Variants in PEX14 observed in about 807,000 individuals in gnomAD.
PEX14 encodes peroxisomal membrane protein PEX14.
PEX14 carries 15 observed loss-of-function variants against 49.5 expected under a neutral mutation model. The observed-to-expected ratio is 0.30, with a 90% CI of 0.20 to 0.47. The LOEUF is 0.47. Among genes scored for constraint, PEX14 ranks in the 20% least tolerant of loss-of-function variants. PEX14 has a pLI of 1.00. For synonymous variants in PEX14, 210 were observed against 212.7 expected, an observed-to-expected ratio of 0.99 and a Z score of 0.11; for missense variants, 398 against 494.8, an observed-to-expected ratio of 0.80 and a Z score of 1.86.
chr1:10,549,621 G>A (rs1639280802), intron 3 of PEX14, among the ~76,000 whole-genome samples: 1 of 152,130 alleles, frequency 6.6e-6, no homozygotes, highest in Non-Finnish European at 1.5e-5. Flanking sequence ...TAAAGGTTAA[G>A]TATCTCCGAT....
intron 4 of PEX14, among the ~76,000 whole-genome samples, chr1:10,617,613 C>T (rs1641463542): frequency 1.3e-5 from 2 of 152,160 alleles, no homozygotes; most frequent in Non-Finnish European, 2.9e-5. Context: ...GGTCTACACC[C>T]ACCTACCGTC....
intron 2 of PEX14, among the ~76,000 whole-genome samples, chr1:10,527,856 A>G (rs568149347): frequency 2.6e-5 from 4 of 151,938 alleles, no homozygotes; most frequent in Admixed American, 1.3e-4. Context: ...TTTTTAGTGG[A>G]GATGGGGTTT....
Position 10,560,059 on chromosome 1 carries a change from A to AT in PEX14, c.169+23777dup, listed in dbSNP as rs1475577830. ...CTAATCTGATTTTTTTCTTCCATCT[A>AT]TTTTTTTTTTTTTTTGAGACGGAGT... On this transcript the variant is annotated intron_variant, in intron 3 of 8. Transcript: ENST00000356607. Among the ~76,000 whole-genome samples, 124 of 145,266 alleles carry AT rather than the reference A, an allele frequency of 8.5e-4. 3 individuals carry two copies. Among genetic ancestry groups the AT allele is most frequent in the South Asian group, 7.8e-3 (35 of 4,492 alleles).
At position 10,519,035 on chromosome 1, in the gene PEX14, C is replaced by T. The variant is rs551988340; in HGVS notation, c.85-17178C>T. 2.3e-4 allele frequency among the ~76,000 whole-genome samples: 35 copies of T among 152,272 alleles called. 1 individual carries two copies. Among genetic ancestry groups the T allele is most frequent in the African/African-American group, 7.7e-4 (32 of 41,528 alleles). On this transcript the variant is annotated intron_variant, in intron 2 of 8. Transcript: ENST00000356607. The stretch of plus-strand genomic sequence containing the variant: ...GTCAAAAGGAGTCGAGCCAAACTCT[C>T]ATCCTCTCTTCTTCACCCTGTATAC...
At chr1:10,556,616 G>T (rs1639497411) in intron 3 of PEX14, among the ~76,000 whole-genome samples, 1 of 152,196 alleles carries the variant, frequency 6.6e-6, no homozygotes. Flanking sequence ...GATGTGGAGG[G>T]TTAGGGGGCA....
chr1:10,577,685 G>A (rs1287257967), intron 3 of PEX14, among the ~76,000 whole-genome samples: 1 of 136,354 alleles, frequency 7.3e-6, no homozygotes, highest in Non-Finnish European at 1.5e-5. Flanking sequence ...TCCGCCTCCT[G>A]AGTTGGGAGG....
chr1:10,626,509 C>T (rs1223779103), intron 7 of PEX14, among the ~76,000 whole-genome samples: 1 of 152,230 alleles, frequency 6.6e-6, no homozygotes, highest in East Asian at 1.9e-4. Flanking sequence ...CCACAGCAGC[C>T]CCCGACCCCA....
At chr1:10,568,182 C>T (rs1229430857) in intron 3 of PEX14, among the ~76,000 whole-genome samples, 2 of 152,076 alleles carry the variant, frequency 1.3e-5, no homozygotes, top group African/African-American at 4.8e-5. Context: ...CAGCAAATAC[C>T]TCCAGAACAG....
chr1:10,502,602 G>T (rs1270255366), intron 2 of PEX14, among the ~76,000 whole-genome samples: 2 of 152,042 alleles, frequency 1.3e-5, no homozygotes, highest in Non-Finnish European at 2.9e-5. Context: ...AAGTTATTCA[G>T]CTTTGTTTGT....
intron 2 of PEX14, among the ~76,000 whole-genome samples, chr1:10,522,776 T>TA (rs1414838977): frequency 1.3e-5 from 2 of 152,222 alleles, no homozygotes; most frequent in Non-Finnish European, 2.9e-5. Flanking sequence ...TCTGGATAGT[T>TA]ACGTTTTCTG....
chr1:10,525,916 G>A (rs553638354), intron 2 of PEX14, among the ~76,000 whole-genome samples: 5 of 150,572 alleles, frequency 3.3e-5, no homozygotes, highest in Admixed American at 6.6e-5. Flanking sequence ...GAGCCACTGC[G>A]CCTGGCTGAT....
intron 6 of PEX14, 40 bp from the exon 7 acceptor site, chr1:10,624,300 C>T: frequency 2.3e-6 from 3 of 1,304,440 alleles, no homozygotes; most frequent in Non-Finnish European, 3.3e-6. Flanking sequence ...ACGTCTGTGC[C>T]TGTGAATTTG....
chr1:10,548,081 G>A (rs1359346481), intron 3 of PEX14, among the ~76,000 whole-genome samples: 2 of 152,188 alleles, frequency 1.3e-5, no homozygotes, highest in Non-Finnish European at 2.9e-5. Flanking sequence ...GCCAGGCGTG[G>A]TGGCGCATGC....
chr1:10,526,102 TA>T (rs1638470196), intron 2 of PEX14, among the ~76,000 whole-genome samples: 2 of 149,692 alleles, frequency 1.3e-5, no homozygotes, highest in South Asian at 4.2e-4. Flanking sequence ...TTTGTATTTT[TA>T]GTAGAGACGG....
intron 3 of PEX14, among the ~76,000 whole-genome samples, chr1:10,542,504 A>G (rs1469084012): frequency 6.6e-6 from 1 of 152,184 alleles, no homozygotes; most frequent in Non-Finnish European, 1.5e-5. Context: ...GCTCACGCCT[A>G]TAATCCCAGC....
intron 7 of PEX14, among the ~76,000 whole-genome samples, chr1:10,625,677 C>T (rs1369689499): frequency 6.6e-6 from 1 of 152,236 alleles, no homozygotes; most frequent in Non-Finnish European, 1.5e-5. Flanking sequence ...GGAAGCCCAG[C>T]GACAGCCCTG....
chr1:10,587,739 A>G (rs942656113), intron 3 of PEX14, among the ~76,000 whole-genome samples: 12 of 152,120 alleles, frequency 7.9e-5, no homozygotes, highest in African/African-American at 2.2e-4. Flanking sequence ...CATACCAACC[A>G]TATAGCCATT....
At chr1:10,553,549 A>G (rs1276387738) in intron 3 of PEX14, among the ~76,000 whole-genome samples, 1 of 152,202 alleles carries the variant, frequency 6.6e-6, no homozygotes, top group African/African-American at 2.4e-5. Flanking sequence ...CTCTCTGAAG[A>G]AAGGGAAGAT....
intron 3 of PEX14, among the ~76,000 whole-genome samples, chr1:10,584,998 C>A (rs1640437722): frequency 6.6e-6 from 1 of 151,968 alleles, no homozygotes; most frequent in South Asian, 2.1e-4. Flanking sequence ...GTGCGAGGAT[C>A]TTTGGGGGAA....
Sources: gnomAD v4.1 joint callset for allele counts (sites outside exome capture counted in the v4.1 genomes callset) on GRCh38, gnomAD v4.1.1 for gene constraint, MANE v1.5 for transcripts, NCBI Gene and HGNC (gene_info 2026-07-23, HGNC 2026-07-21) for gene names.